CASZ1: variants seen among roughly 807,000 people sequenced by gnomAD.
CASZ1 encodes zinc finger protein castor homolog 1.
CASZ1 carries 28 observed loss-of-function variants against 135.2 expected under a neutral mutation model. The ratio of observed to expected loss-of-function variants is 0.21; its 90% confidence interval spans 0.15 to 0.28. The LOEUF is 0.28. Ranked by LOEUF, CASZ1 falls within the 10% of genes least tolerant of loss-of-function variation. CASZ1 has a pLI of 1.00. For synonymous variants in CASZ1, 1,068 were observed against 1,073.4 expected (o/e 0.99, Z 0.10); for missense variants, 2,161 against 2,453.3 (o/e 0.88, Z 2.52).
rs142577194 is a variant in CASZ1 at position 10,702,611 on chromosome 1, G to GGGA, written c.-24+2878_-24+2880dup. On this transcript the variant is annotated intron_variant, in intron 3 of 20. Transcript: ENST00000377022. ...TGACCCGGGCCAGGGAGCTTGGAGA[G>GGGA]GGAGACGCGGGGCTGGAGGCAGTGC... is the stretch of plus-strand genomic sequence containing the variant. Among the ~76,000 whole-genome samples the GGGA allele has an allele frequency of 2.9e-3, 437 of 152,134 alleles. 19 individuals carry two copies. The East Asian group carries it at 0.083, about 29-fold the overall frequency.
intron 2 of CASZ1, among the ~76,000 whole-genome samples, chr1:10,718,743 A>G (rs897647827): frequency 6.6e-6 from 1 of 152,186 alleles, no homozygotes; most frequent in Non-Finnish European, 1.5e-5. Context: ...CAGGCCCACA[A>G]CGTCTCCACT....
intron 4 of CASZ1, among the ~76,000 whole-genome samples, chr1:10,693,610 G>T (rs909180584): frequency 6.6e-6 from 1 of 151,452 alleles, no homozygotes; most frequent in African/African-American, 2.4e-5. Context: ...CCTCTCTCTG[G>T]GTGCCCCCCA....
intron 2 of CASZ1, among the ~76,000 whole-genome samples, chr1:10,713,505 G>C (rs1266919274): frequency 6.6e-6 from 1 of 152,162 alleles, no homozygotes; most frequent in African/African-American, 2.4e-5. Context: ...TGTTCTTCCG[G>C]AAACAGCCTG....
At chr1:10,785,139 TCCTC>T (rs1263462260) in intron 1 of CASZ1, among the ~76,000 whole-genome samples, 2 of 147,420 alleles carry the variant, frequency 1.4e-5, no homozygotes, top group African/African-American at 5.0e-5. Context: ...CTTCCTTCCT[TCCTC>T]CCTCCCTTCT....
rs1282357484 is a variant in CASZ1, at chr1:10,707,120, G to A, written c.-76-1576C>T. On this transcript the variant is annotated intron_variant, in intron 2 of 20. Transcript: ENST00000377022. This position sits in a 1 kb window ranked among gnomAD's most constrained non-coding sequence, Gnocchi z 5.0. Reference sequence around the variant, plus strand: ...GGGTGTCATCTTCACTGTCCCGTCCGTCCCACACACTCCTGTCTGAGATCT... The same window carrying A: ...GGGTGTCATCTTCACTGTCCCGTCCATCCCACACACTCCTGTCTGAGATCT... Among the ~76,000 whole-genome samples, 8 of 151,896 alleles carry A rather than the reference G, an allele frequency of 5.3e-5. No individual in the cohort carries two copies. Among genetic ancestry groups the A allele is most frequent in the Non-Finnish European group, 1.2e-4 (8 of 67,988 alleles).
intron 4 of CASZ1, among the ~76,000 whole-genome samples, chr1:10,674,456 A>G (rs992222322): frequency 1.3e-5 from 2 of 152,258 alleles, no homozygotes; most frequent in South Asian, 4.1e-4. Context: ...CTCTGAGGCC[A>G]CCGTGGGGCA....
Position 10,639,661 on chromosome 1 carries a change from G to A in CASZ1, c.4561C>T (p.Arg1521Cys). The A allele has an allele frequency of 1.9e-6, 3 of 1,601,684 alleles. No homozygotes were observed. Among genetic ancestry groups the A allele is most frequent in the Non-Finnish European group, 2.6e-6 (3 of 1,176,140 alleles). ...TSTHFHCLRC[R>C]FRCTDSTKVT... The stretch of plus-strand genomic sequence containing the variant: ...TTGGTGCTGTCGGTGCAGCGGAAGC[G>A]GCAGCGCAGGCAGTGGAAGTGCGTG... The change falls in exon 21 of 21, where the codon CGC (arginine) becomes TGC (cysteine). Residue 1521 changes from arginine (R) to cysteine (C), a missense_variant. Arg to Cys is a radical substitution (Grantham distance 180). This residue lies in a region of CASZ1 where 240 missense variants were observed against 321.4 expected (regional missense o/e 0.75). Transcript: ENST00000377022. This position sits in a 1 kb window ranked among gnomAD's most constrained non-coding sequence, Gnocchi z 4.0.
Position 10,656,712 on chromosome 1 carries a change from G to T in CASZ1, c.1434C>A (p.Gly478=). The T allele has an allele frequency of 6.2e-7, 1 of 1,600,480 alleles. No individual in the cohort carries two copies. Residue 478 remains glycine (G), a synonymous_variant, in exon 8 of 21, where the codon GGC becomes GGA. Coordinates refer to ENST00000377022, the MANE Select transcript of CASZ1 (RefSeq NM_001079843.3). ...GGTACTGGTAGGCACAGTGGATGTG[G>T]CCACAGTGCTGGCTGCCCGAGAACC... ...IARFSGSQHC[G]HIHCAYQYRE... is the part of the protein sequence containing the mutation.
chr1:10,692,841 C>T (rs1638811801), intron 4 of CASZ1, among the ~76,000 whole-genome samples: 1 of 152,200 alleles, frequency 6.6e-6, no homozygotes, highest in South Asian at 2.1e-4. Flanking sequence ...CTAACAGCCA[C>T]CAGTATCACC....
chr1:10,649,974 G>A (rs1259030587), intron 13 of CASZ1: 1 of 152,686 alleles, frequency 6.5e-6, no homozygotes, highest in Non-Finnish European at 1.5e-5. Flanking sequence ...AGGGGGTCGT[G>A]GGGGCGGAGG....
At chr1:10,684,630 G>C (rs1342442494) in intron 4 of CASZ1, among the ~76,000 whole-genome samples, 1 of 152,156 alleles carries the variant, frequency 6.6e-6, no homozygotes, top group Non-Finnish European at 1.5e-5. Flanking sequence ...CACACACATG[G>C]GTCTTTGCAG....
intron 4 of CASZ1, among the ~76,000 whole-genome samples, chr1:10,687,292 C>G (rs755292136): frequency 1.3e-5 from 2 of 152,240 alleles, no homozygotes; most frequent in African/African-American, 2.4e-5. Flanking sequence ...CCAGCTCCTG[C>G]CTTCTCCTCC....
intron 2 of CASZ1, among the ~76,000 whole-genome samples, chr1:10,723,492 C>T (rs1639541474): frequency 6.6e-6 from 1 of 152,238 alleles, no homozygotes; most frequent in South Asian, 2.1e-4. Flanking sequence ...AAGCCAGGCG[C>T]CAGCCTCTCA....
intron 2 of CASZ1, among the ~76,000 whole-genome samples, chr1:10,743,560 G>C (rs1276711751): frequency 6.6e-6 from 1 of 150,430 alleles, no homozygotes; most frequent in African/African-American, 2.4e-5. Context: ...GAACAGAGTT[G>C]AGCCATTTCA....
intron 1 of CASZ1, among the ~76,000 whole-genome samples, chr1:10,780,504 A>G (rs926062100): frequency 6.6e-6 from 1 of 152,180 alleles, no homozygotes; most frequent in African/African-American, 2.4e-5. Context: ...CTCCTACCTC[A>G]TCCAAAGTCT....
Position 10,720,028 on chromosome 1 carries a change from C to A in CASZ1, c.-76-14484G>T, listed in dbSNP as rs555299120. Among the ~76,000 whole-genome samples, 1 of 152,230 alleles carries A rather than the reference C, an allele frequency of 6.6e-6. No homozygotes were observed. The highest frequency in any genetic ancestry group is 1.5e-5 in the Non-Finnish European group (1 of 68,040). On this transcript the variant is annotated intron_variant, in intron 2 of 20. Coordinates refer to ENST00000377022, the MANE Select transcript of CASZ1 (RefSeq NM_001079843.3). The surrounding 1 kb of genome is among the most constrained non-coding windows in gnomAD (Gnocchi z 5.7). ...AGCTGGGATCAAACCAGGAGCCAGG[C>A]GGCTGCCGGTCCCCACTGCTCTGCC...
At chr1:10,769,687 T>G (rs963212514) in intron 1 of CASZ1, among the ~76,000 whole-genome samples, 2 of 152,136 alleles carry the variant, frequency 1.3e-5, no homozygotes, top group Admixed American at 1.3e-4. Flanking sequence ...CGGCTAATTT[T>G]TGTATTTTTA....
At chr1:10,660,589 G>C (rs1041829526) in intron 5 of CASZ1, 53 bp from the exon 6 acceptor site, 1 of 1,515,442 alleles carries the variant, frequency 6.6e-7, no homozygotes, top group East Asian at 2.3e-5. Flanking sequence ...GGAGGGACAG[G>C]AGGTCCCCCC....
intron 20 of CASZ1, among the ~76,000 whole-genome samples, chr1:10,641,702 C>G (rs906241216): frequency 3.9e-5 from 6 of 152,218 alleles, no homozygotes; most frequent in African/African-American, 1.4e-4. Flanking sequence ...AGGGACAGGT[C>G]CTGCCTTGCC....
Sources: allele counts gnomAD v4.1 joint callset (sites outside exome capture counted in the v4.1 genomes callset), GRCh38; gene constraint gnomAD v4.1.1; regional missense constraint gnomAD v4.1.1; non-coding constraint Gnocchi (gnomAD v3.1); transcripts MANE v1.5; gene names NCBI Gene and HGNC (gene_info 2026-07-23, HGNC 2026-07-21).